The following DPP10 variants were observed in gnomAD, a reference collection of about 807,000 sequenced individuals.
DPP10 encodes the protein inactive dipeptidyl peptidase 10.
In DPP10, 33 loss-of-function variants were observed where a neutral mutation model predicts 120.9. That is an observed-to-expected ratio of 0.27 (90% CI 0.21 to 0.37). The LOEUF (loss-of-function observed/expected upper bound fraction) is 0.37, where lower values mean the gene tolerates loss of function less well. Among genes scored for constraint, DPP10 ranks in the 10% least tolerant of loss-of-function variants. The pLI is 1.00. For missense variants in DPP10, 816 were observed against 942.8 expected (o/e 0.87, Z 1.76); for synonymous variants, 337 against 326.1 (o/e 1.03, Z -0.36).
intron 8 of DPP10, among the ~76,000 whole-genome samples, chr2:115,737,240 G>T (rs1371440937): frequency 6.6e-6 from 1 of 152,126 alleles, no homozygotes; most frequent in East Asian, 1.9e-4. Context: ...AGCAGAGAAG[G>T]CAATACAATG....
intron 1 of DPP10, among the ~76,000 whole-genome samples, chr2:114,894,587 T>C (rs572423550): frequency 1.8e-4 from 27 of 152,284 alleles, no homozygotes; most frequent in Middle Eastern, 3.4e-3. Flanking sequence ...GTATACTGTA[T>C]CAAAGCAGCA....
intron 11 of DPP10, among the ~76,000 whole-genome samples, chr2:115,756,993 C>A (rs1184025583): frequency 1.3e-5 from 2 of 150,490 alleles, no homozygotes; most frequent in African/African-American, 2.4e-5. Context: ...GATGGCAGAA[C>A]CCTCATGGCC....
In DPP10 at chr2:114,758,539, A is replaced by G. The variant is rs17043508; in HGVS notation, c.60+315701A>G. ...AATGATAAATCAGAGGGCCAGGCCT[A>G]TATTACTCATGACATTGTAATAGTA... On this transcript the variant is annotated intron_variant, in intron 1 of 25. Coordinates refer to ENST00000410059, the MANE Select transcript of DPP10 (RefSeq NM_020868.6). 3.3e-4 allele frequency among the ~76,000 whole-genome samples: 50 copies of G among 152,326 alleles called. 1 individual carries two copies. Among genetic ancestry groups the G allele is most frequent in the African/African-American group, 1.2e-3 (49 of 41,568 alleles).
intron 1 of DPP10, among the ~76,000 whole-genome samples, chr2:114,737,351 C>G (rs568655815): frequency 1.3e-5 from 2 of 152,312 alleles, no homozygotes; most frequent in East Asian, 3.9e-4. Context: ...CTCCATCAGT[C>G]TGGTCCCAGA....
chr2:114,601,666 G>A (rs777516163), intron 1 of DPP10, among the ~76,000 whole-genome samples: 1 of 151,910 alleles, frequency 6.6e-6, no homozygotes, highest in Admixed American at 6.6e-5. Flanking sequence ...TTGAAACTTC[G>A]TGAAGCTTGG....
chr2:115,159,400 C>T (rs1172946749), intron 1 of DPP10, among the ~76,000 whole-genome samples: 1 of 152,088 alleles, frequency 6.6e-6, no homozygotes, highest in Non-Finnish European at 1.5e-5. Context: ...TCATTAGAAA[C>T]CATACAAAAC....
At chr2:114,855,184 A>G (rs1689276932) in intron 1 of DPP10, among the ~76,000 whole-genome samples, 1 of 152,198 alleles carries the variant, frequency 6.6e-6, no homozygotes, top group Non-Finnish European at 1.5e-5. Context: ...ACGACATATT[A>G]GAGCAAATTG....
chr2:114,640,053 C>T (rs1695596225), intron 1 of DPP10, among the ~76,000 whole-genome samples: 1 of 151,810 alleles, frequency 6.6e-6, no homozygotes, highest in Non-Finnish European at 1.5e-5. Context: ...ATGTAGTTAC[C>T]AGAACATTGG....
chr2:114,895,939 G>C (rs1692926301), intron 1 of DPP10, among the ~76,000 whole-genome samples: 1 of 152,158 alleles, frequency 6.6e-6, no homozygotes, highest in South Asian at 2.1e-4. Flanking sequence ...TCCAGTTTCA[G>C]CTTTCTACAT....
chr2:114,775,831 A>T (rs1462116905), intron 1 of DPP10, among the ~76,000 whole-genome samples: 1 of 152,202 alleles, frequency 6.6e-6, no homozygotes, highest in African/African-American at 2.4e-5. Context: ...CCAATGAATC[A>T]TGTACTGTTC....
chr2:115,211,942 A>G (rs1398756856), intron 1 of DPP10, among the ~76,000 whole-genome samples: 2 of 152,140 alleles, frequency 1.3e-5, no homozygotes, highest in Non-Finnish European at 1.5e-5. Context: ...TTAGCTCCTT[A>G]TGCAAAAGAC....
At chr2:114,556,345 A>T (rs1688316193) in intron 1 of DPP10, among the ~76,000 whole-genome samples, 1 of 149,630 alleles carries the variant, frequency 6.7e-6, no homozygotes, top group East Asian at 2.0e-4. Context: ...TGTAGACCTG[A>T]CAGCGTAACT....
At chr2:115,839,916 AAT>A (rs975964192) in intron 24 of DPP10, among the ~76,000 whole-genome samples, 1 of 152,014 alleles carries the variant, frequency 6.6e-6, no homozygotes, top group Non-Finnish European at 1.5e-5. Flanking sequence ...CTCTATATTA[AAT>A]AGTTAGTCCT....
chr2:114,837,254 T>G (rs939656689), intron 1 of DPP10, among the ~76,000 whole-genome samples: 1 of 152,172 alleles, frequency 6.6e-6, no homozygotes, highest in Non-Finnish European at 1.5e-5. Flanking sequence ...ATTATAAAAG[T>G]ATTAATTTGG....
chr2:115,176,578 G>T (rs1000216649), intron 1 of DPP10, among the ~76,000 whole-genome samples: 2 of 152,048 alleles, frequency 1.3e-5, no homozygotes, highest in African/African-American at 2.4e-5. Context: ...TTAAGTGGAG[G>T]CCAATGATTT....
intron 1 of DPP10, among the ~76,000 whole-genome samples, chr2:114,927,535 T>G (rs1004450219): frequency 6.6e-6 from 1 of 152,052 alleles, no homozygotes; most frequent in African/African-American, 2.4e-5. Flanking sequence ...CACAAATGGT[T>G]GCATTCCTTT....
chr2:114,634,873 TTTAG>T (rs917298227), intron 1 of DPP10, among the ~76,000 whole-genome samples: 1 of 151,880 alleles, frequency 6.6e-6, no homozygotes, highest in Non-Finnish European at 1.5e-5. Context: ...ATCTATGTTA[TTTAG>T]TAAGATTAAA....
At chr2:115,619,489 T>G (rs2149276075) in intron 5 of DPP10, among the ~76,000 whole-genome samples, 1 of 152,322 alleles carries the variant, frequency 6.6e-6, no homozygotes, top group African/African-American at 2.4e-5. Flanking sequence ...ACATTGCCTT[T>G]ATTTTAAATC....
intron 1 of DPP10, among the ~76,000 whole-genome samples, chr2:114,914,982 T>A (rs893381711): frequency 1.7e-4 from 26 of 151,930 alleles, no homozygotes; most frequent in Non-Finnish European, 3.2e-4. Context: ...ATACAAAAAA[T>A]TAGCCGGGCG....
Sources: gnomAD v4.1 joint callset for allele counts (sites outside exome capture counted in the v4.1 genomes callset) on GRCh38, gnomAD v4.1.1 for gene constraint, MANE v1.5 for transcripts, NCBI Gene and HGNC (gene_info 2026-07-23, HGNC 2026-07-21) for gene names.